The following PATJ variants were observed in gnomAD, a reference collection of about 807,000 sequenced individuals.
The protein encoded by PATJ is inaD-like protein.
A neutral mutation model predicts 224.9 loss-of-function variants in PATJ; 190 were observed. The ratio of observed to expected loss-of-function variants is 0.84; its 90% CI spans 0.75 to 0.95. The LOEUF is 0.95. PATJ is among the 40% of genes least tolerant of loss of function. The probability of loss-of-function intolerance (pLI) is 0.00; values close to 1 mark genes in which losing one functional copy is unlikely to be tolerated. For synonymous variants in PATJ, 769 were observed against 820.3 expected, an observed-to-expected ratio of 0.94 and a Z score of 1.07; for missense variants, 2,121 against 2,270.3, an observed-to-expected ratio of 0.93 and a Z score of 1.34.
chr1:61,770,656 G>A (rs1033937260), intron 5 of PATJ, among the ~76,000 whole-genome samples: 3 of 152,090 alleles, frequency 2.0e-5, no homozygotes, highest in Admixed American at 6.6e-5. Context: ...AAAGGGCTCA[G>A]ATTGGCCAAG....
intron 17 of PATJ, among the ~76,000 whole-genome samples, chr1:61,836,523 A>G (rs545131574): frequency 1.3e-5 from 2 of 152,290 alleles, no homozygotes; most frequent in Admixed American, 6.5e-5. Context: ...TTCAATCCTA[A>G]CTTGGATGCT....
Position 61,901,363 on chromosome 1 carries a change from T to C in PATJ, c.3285T>C (p.Asn1095=), listed in dbSNP as rs1371237335. The change falls in exon 24 of 44, where the codon AAT becomes AAC. Residue 1095 remains asparagine, a synonymous_variant. Transcript: ENST00000642238. ...AAACTGTTATAAAACGTCTAAAGAA[T>C]GGAGAGGAGCTTAAAGGTATATTCA... ...GGQTVIKRLK[N]GEELKGIFIK... is the part of the protein sequence containing the mutation. 1.3e-6 allele frequency: 2 copies of C among 1,588,588 alleles called. No individual in the cohort carries two copies. Among genetic ancestry groups the C allele is most frequent in the Non-Finnish European group, 8.5e-7 (1 of 1,171,238 alleles).
chr1:61,850,263 G>C (rs1245868321), intron 17 of PATJ, among the ~76,000 whole-genome samples: 1 of 152,004 alleles, frequency 6.6e-6, no homozygotes, highest in East Asian at 1.9e-4. Flanking sequence ...TTGATCTTTG[G>C]GAATGTACAC....
intron 18 of PATJ, among the ~76,000 whole-genome samples, chr1:61,859,783 C>A (rs766165001): frequency 6.6e-6 from 1 of 152,038 alleles, no homozygotes; most frequent in Non-Finnish European, 1.5e-5. Flanking sequence ...CCATGCCCAG[C>A]TAATTTTTGT....
In PATJ at chr1:62,154,663, AG is replaced by A. The variant is rs1242087137; in HGVS notation, c.5502+1183del. ...GCAATCCATCTCAAAAAAAAAAAAAAGAAAAGAGAGAGAGAGAGATAAAGGT... is the reference window on the plus strand; with the variant it reads ...GCAATCCATCTCAAAAAAAAAAAAAAAAAAGAGAGAGAGAGAGATAAAGGT... On this transcript the variant is annotated intron_variant, in intron 43 of 43. Transcript: ENST00000642238. 7.1e-4 allele frequency among the ~76,000 whole-genome samples: 102 copies of A among 144,240 alleles called. 2 individuals carry two copies. In the East Asian group the frequency reaches 0.017, roughly 23 times the overall value. 94.6% of individuals were successfully genotyped at this position (144,240 alleles called of 152,430 possible). A position where few individuals can be genotyped will look rare whatever the true frequency, so the allele number is the denominator to read the frequency against.
chr1:62,012,232 C>A (rs1270853735), intron 28 of PATJ, among the ~76,000 whole-genome samples: 1 of 151,984 alleles, frequency 6.6e-6, no homozygotes, highest in Non-Finnish European at 1.5e-5. Context: ...TTTATGTGTA[C>A]CATTCAGATG....
chr1:61,834,469 A>G (rs1474660498), intron 17 of PATJ, among the ~76,000 whole-genome samples: 2 of 152,206 alleles, frequency 1.3e-5, no homozygotes, highest in Non-Finnish European at 2.9e-5. Context: ...CAAGACATCT[A>G]TGTTGTACGG....
chr1:61,970,106 C>T (rs1180355142), intron 27 of PATJ, among the ~76,000 whole-genome samples: 2 of 150,236 alleles, frequency 1.3e-5, no homozygotes, highest in South Asian at 2.1e-4. Context: ...GTAATCTGTG[C>T]TCTTGGTATC....
At chr1:62,103,315 T>C (rs1026477526) in intron 33 of PATJ, among the ~76,000 whole-genome samples, 3 of 152,236 alleles carry the variant, frequency 2.0e-5, no homozygotes, top group African/African-American at 7.2e-5. Context: ...TGAACCCTTA[T>C]GAGCTTTCGT....
chr1:61,765,066 ATTTTTTTTTTTTTTT>A (rs71582647), intron 3 of PATJ, among the ~76,000 whole-genome samples: 38 of 24,028 alleles, frequency 1.6e-3, no homozygotes, highest in South Asian at 6.7e-3. Context: ...ATTGACATTC[ATTTTTTTTTTTTTTT>A]TTTTTTTTTT....
At chr1:62,102,705 A>G (rs1432711895) in intron 33 of PATJ, among the ~76,000 whole-genome samples, 1 of 151,730 alleles carries the variant, frequency 6.6e-6, no homozygotes, top group Non-Finnish European at 1.5e-5. Context: ...ATACCGAAAA[A>G]GCACAATTAG....
At chr1:61,833,421 A>G (rs1215069807) in intron 16 of PATJ, 1 of 329,102 alleles carries the variant, frequency 3.0e-6, no homozygotes, top group African/African-American at 2.2e-5. Context: ...TCACATTAAT[A>G]AAAAAAACTG....
At chr1:61,940,677 T>C (rs12069154) in intron 27 of PATJ, among the ~76,000 whole-genome samples, 6,388 of 149,504 alleles carry the variant, frequency 0.043, 514 homozygotes, top group African/African-American at 0.15. Context: ...GATCATGCCA[T>C]TGCACTCCAG....
intron 28 of PATJ, among the ~76,000 whole-genome samples, chr1:61,999,414 G>A (rs2149596402): frequency 6.6e-6 from 1 of 152,144 alleles, no homozygotes; most frequent in East Asian, 1.9e-4. Context: ...CAGTATATAA[G>A]AGAGGCACTT....
At chr1:62,144,771 A>ATATATATATATATATATCTATATATAT (rs1439255158) in intron 41 of PATJ, among the ~76,000 whole-genome samples, 1 of 73,342 alleles carries the variant, frequency 1.4e-5, no homozygotes, top group African/African-American at 5.2e-5. Flanking sequence ...ATTTGCAAAA[A>ATATATATATATATATATCTATATATAT]AAAAAAATAT....
At chr1:61,966,460 TG>T (rs1031512403) in intron 27 of PATJ, among the ~76,000 whole-genome samples, 6 of 151,860 alleles carry the variant, frequency 4.0e-5, no homozygotes, top group African/African-American at 1.5e-4. Flanking sequence ...CCAACCCGGG[TG>T]GGTCACCTGA....
intron 16 of PATJ, among the ~76,000 whole-genome samples, chr1:61,830,678 T>C (rs922733929): frequency 2.6e-5 from 4 of 151,942 alleles, no homozygotes; most frequent in African/African-American, 9.7e-5. Context: ...GGTACAAAAA[T>C]AGACACATAG....
intron 22 of PATJ, among the ~76,000 whole-genome samples, chr1:61,887,276 A>G (rs6696674): frequency 0.98 from 149,898 of 152,198 alleles, 73,856 homozygotes; most frequent in East Asian, 1. Flanking sequence ...CTCCTCCACT[A>G]AGATAGGTGC....
chr1:62,040,134 G>C (rs564322075), intron 30 of PATJ, among the ~76,000 whole-genome samples: 226 of 150,858 alleles, frequency 1.5e-3, no homozygotes, highest in Non-Finnish European at 2.1e-3. Context: ...TTTTGAAATG[G>C]AGTCTCACCC....
Sources: allele counts gnomAD v4.1 joint callset (sites outside exome capture counted in the v4.1 genomes callset), GRCh38; gene constraint gnomAD v4.1.1; transcripts MANE v1.5; gene names NCBI Gene and HGNC (gene_info 2026-07-23, HGNC 2026-07-21).